Variants in PLEKHH3 observed in about 807,000 individuals in gnomAD.
PLEKHH3 encodes the protein pleckstrin homology domain-containing family H member 3.
A neutral mutation model predicts 77.8 loss-of-function variants in PLEKHH3; 57 were observed. That is an observed-to-expected ratio of 0.73 (90% CI 0.59 to 0.91). The LOEUF (loss-of-function observed/expected upper bound fraction) is 0.91. Ranked by LOEUF, PLEKHH3 falls within the 40% of genes least tolerant of loss-of-function variation. The pLI, the probability that PLEKHH3 is intolerant of heterozygous loss-of-function variation, is 0.00. For synonymous variants in PLEKHH3, 467 were observed against 504.8 expected (o/e 0.93, Z 1.00); for missense variants, 1,082 against 1,091.2 (o/e 0.99, Z 0.12).
At position 42,668,047 on chromosome 17, in the gene PLEKHH3, G is replaced by T. The variant is rs2143538384; in HGVS notation, c.*80C>A. 8.2e-7 allele frequency: 1 copy of T among 1,226,612 alleles called. No homozygotes were observed. The highest frequency in any genetic ancestry group is 1.0e-6 in the Non-Finnish European group (1 of 968,894). 76.0% of individuals were successfully genotyped at this position (1,226,612 alleles called of 1,614,324 possible). On this transcript the variant is annotated 3_prime_UTR_variant, in exon 13 of 13. Transcript: ENST00000591022. Reference sequence around the variant, plus strand: ...GTGCCCTGTCCCTGCAGGGCCAAAAGGGTCCATGTTTCCCTCAAATCTCAG... The same window carrying T: ...GTGCCCTGTCCCTGCAGGGCCAAAATGGTCCATGTTTCCCTCAAATCTCAG...
chr17:42,676,377 GA>G lies in PLEKHH3; in HGVS notation c.162+24del. 6.2e-7 allele frequency: 1 copy of G among 1,611,470 alleles called. No homozygotes were observed. Among genetic ancestry groups the G allele is most frequent in the Non-Finnish European group, 8.5e-7 (1 of 1,178,930 alleles). On this transcript the variant is annotated intron_variant, in intron 1 of 12. Transcript: ENST00000591022. This position sits in a 1 kb window ranked among gnomAD's most constrained non-coding sequence, Gnocchi z 6.6. ...CGGTTACAGCGAGAGTGATTGAGACGAGGCTCCGAACCCCCGGGACTTACCC... is the reference window on the plus strand; with the variant it reads ...CGGTTACAGCGAGAGTGATTGAGACGGGCTCCGAACCCCCGGGACTTACCC...
rs190835262 is a variant in PLEKHH3 at position 42,676,829 on chromosome 17, G to A, written c.-266C>T. Reference sequence around the variant, plus strand: ...GGGAGAGGAGGGAGCAATGTCCGGAGCTGGGAAGTAGTGTCCGTTGGAGTG... The same window carrying A: ...GGGAGAGGAGGGAGCAATGTCCGGAACTGGGAAGTAGTGTCCGTTGGAGTG... On this transcript the variant is annotated 5_prime_UTR_variant, in exon 1 of 13. Transcript: ENST00000591022. This position sits in a 1 kb window ranked among gnomAD's most constrained non-coding sequence, Gnocchi z 6.6. 1.3e-4 allele frequency: 72 copies of A among 538,164 alleles called. No homozygotes were observed. In the African/African-American group the frequency reaches 1.4e-3, roughly 10 times the overall value. The allele number at this position is 538,164 out of a possible 1,614,324, so 33.3% of individuals were successfully genotyped here.
intron 12 of PLEKHH3, chr17:42,668,629 T>C (rs2052610166): frequency 6.0e-6 from 1 of 165,712 alleles, no homozygotes; most frequent in African/African-American, 2.4e-5. Flanking sequence ...GGCTAATTTT[T>C]TGTATTTTTA....
In PLEKHH3 at chr17:42,672,188, T is replaced by C. The variant is rs1308833958; in HGVS notation, c.974A>G (p.Gln325Arg). 6.4e-7 allele frequency: 1 copy of C among 1,551,172 alleles called. No individual in the cohort carries two copies. Among genetic ancestry groups the C allele is most frequent in the Non-Finnish European group, 8.7e-7 (1 of 1,147,104 alleles). The part of the protein sequence containing the change: ...PAGPPGLPAT[Q>R]DPAALRYWQL... ...CCAGTACCGCAGGGCCGCAGGGTCT[T>C]GGGTAGCCGGGAGCCCGGGGGGACC... Residue 325 changes from glutamine to arginine, a missense_variant, in exon 7 of 13, where the codon CAA (glutamine) becomes CGA (arginine). By Grantham distance (43) the Gln-to-Arg change is conservative. Transcript: ENST00000591022.
chr17:42,670,764 G>A, intron 9 of PLEKHH3, 59 bp from the exon 10 acceptor site: 2 of 1,570,932 alleles, frequency 1.3e-6, no homozygotes, highest in Non-Finnish European at 1.7e-6. Flanking sequence ...GGCGAGGGCA[G>A]CTTGGGGTGG....
In PLEKHH3 at chr17:42,670,638, G is replaced by T; in HGVS notation, c.1489C>A (p.His497Asn). The change falls in exon 10 of 13, where the codon CAC becomes AAC. Residue 497 changes from histidine (H) to asparagine (N), a missense_variant. Physicochemically the swap from His to Asn is moderately conservative, Grantham distance 68. Transcript: ENST00000591022. ...DSGWRLCLRLHGPLHPEGLSP... is the reference protein window; with the variant it reads ...DSGWRLCLRLNGPLHPEGLSP... ...AGCCCCTCAGGGTGCAGAGGTCCGT[G>T]AAGACGCAGACATAGTCTCCACCCG... The T allele has an allele frequency of 6.2e-7, 1 of 1,613,248 alleles. No individual in the cohort carries two copies. The highest frequency in any genetic ancestry group is 8.5e-7 in the Non-Finnish European group (1 of 1,179,936).
rs1452014099 is a variant in PLEKHH3, at chr17:42,676,336, G to C, written c.162+66C>G. On this transcript the variant is annotated intron_variant, in intron 1 of 12. Transcript: ENST00000591022. This position sits in a 1 kb window ranked among gnomAD's most constrained non-coding sequence, Gnocchi z 6.6. The stretch of plus-strand genomic sequence containing the variant: ...GCAGCGTGTGGCTGGAGGCTGGAGC[G>C]GATCAGCGTGACGGCCGGTTACAGC... 1.9e-6 allele frequency: 3 copies of C among 1,594,570 alleles called. No individual in the cohort carries two copies. The highest frequency in any genetic ancestry group is 2.6e-6 in the Non-Finnish European group (3 of 1,168,648).
At chr17:42,669,870 G>T in intron 11 of PLEKHH3, 48 bp downstream of exon 11, 3 of 1,603,738 alleles carry the variant, frequency 1.9e-6, no homozygotes, top group South Asian at 1.1e-5. Context: ...TGGGGCAAAG[G>T]TGTGGGGCTT....
Position 42,674,372 on chromosome 17 carries a change from C to T in PLEKHH3, c.200G>A (p.Ser67Asn), listed in dbSNP as rs756807937. ...LEVTLTQPVR[S>N]GPVSNRLQSW... ...AGCTCACCTGTTGGAGACAGGCCCGCTCCTCACTGGCTGAGTCAGCGTCAC... is the reference window on the plus strand; with the variant it reads ...AGCTCACCTGTTGGAGACAGGCCCGTTCCTCACTGGCTGAGTCAGCGTCAC... Residue 67 changes from serine (S) to asparagine (N), a missense_variant, in exon 2 of 13, where the codon AGC (serine) becomes AAC (asparagine). Transcript: ENST00000591022. 2 of 1,594,570 alleles carry T rather than the reference C, an allele frequency of 1.3e-6. No individual in the cohort carries two copies. The highest frequency in any genetic ancestry group is 1.1e-5 in the South Asian group (1 of 88,560).
At chr17:42,669,857 C>T (rs756344785) in intron 11 of PLEKHH3, 61 bp downstream of exon 11, 5 of 1,594,540 alleles carry the variant, frequency 3.1e-6, no homozygotes, top group South Asian at 1.1e-5. Flanking sequence ...GGACCTGTGG[C>T]TCTGGGGCAA....
rs1406564062 is a variant in PLEKHH3 at position 42,676,525 on chromosome 17, G to A, written c.39C>T (p.Cys13=). 2 of 1,590,540 alleles carry A rather than the reference G, an allele frequency of 1.3e-6. No individual in the cohort carries two copies. The highest frequency in any genetic ancestry group is 1.7e-6 in the Non-Finnish European group (2 of 1,168,534). ...LPGGLWWLLC[C]RRGFTLLHRD... is the part of the protein sequence containing the mutation. ...GGTGCAGAAGAGTGAAGCCTCGACG[G>A]CAGCAGAGAAGCCACCATAGTCCCC... Residue 13 remains cysteine, a synonymous_variant, in exon 1 of 13, where the codon TGC becomes TGT. Coordinates refer to ENST00000591022, the MANE Select transcript of PLEKHH3 (RefSeq NM_024927.5). The surrounding 1 kb of genome is among the most constrained non-coding windows in gnomAD (Gnocchi z 6.6).
rs979364497 is a variant in PLEKHH3 at position 42,676,974 on chromosome 17, G to T, written c.-411C>A. The stretch of plus-strand genomic sequence containing the variant: ...CCGGGGCCCGGGCCGCGCGCGCTGC[G>T]CTCCCTGCAGCCCCGGGACTGGCGC... On this transcript the variant is annotated 5_prime_UTR_variant, in exon 1 of 13. Coordinates refer to ENST00000591022, the MANE Select transcript of PLEKHH3 (RefSeq NM_024927.5). This position sits in a 1 kb window ranked among gnomAD's most constrained non-coding sequence, Gnocchi z 6.6. 5.8e-6 allele frequency: 1 copy of T among 173,318 alleles called. No individual in the cohort carries two copies. Among genetic ancestry groups the T allele is most frequent in the Non-Finnish European group, 1.2e-5 (1 of 82,586 alleles). The allele number at this position is 173,318 out of a possible 1,614,324, so 10.7% of individuals were successfully genotyped here. A position where few individuals can be genotyped will look rare whatever the true frequency, so the allele number is the denominator to read the frequency against.
At chr17:42,668,348 CTCT>C (rs1424764495) in intron 12 of PLEKHH3, 45 bp from the exon 13 acceptor site, 2 of 1,454,858 alleles carry the variant, frequency 1.4e-6, no homozygotes, top group Non-Finnish European at 1.8e-6. Context: ...CTGCCAGGTT[CTCT>C]TCTTTTTCTC....
At chr17:42,670,498 A>T in intron 10 of PLEKHH3, 75 bp downstream of exon 10, 2 of 1,546,930 alleles carry the variant, frequency 1.3e-6, no homozygotes, top group Non-Finnish European at 1.7e-6. Context: ...CATAGTGATG[A>T]AATGAGACGG....
chr17:42,676,410 C>A lies in PLEKHH3; in HGVS notation c.154G>T (p.Gly52Cys). 1 of 1,613,252 alleles carries A rather than the reference C, an allele frequency of 6.2e-7. No homozygotes were observed. The highest frequency in any genetic ancestry group is 1.1e-5 in the South Asian group (1 of 91,066). Reference sequence around the variant, plus strand: ...GAACCCCCGGGACTTACCCTCCCGCCGCCCGCTGGACTCGGGGTCCGCAGC... The same window carrying A: ...GAACCCCCGGGACTTACCCTCCCGCAGCCCGCTGGACTCGGGGTCCGCAGC... ...FELRTPSPAG[G>C]GRGPLEVTLT... The change falls in exon 1 of 13, where the codon GGC (glycine) becomes TGC (cysteine). Residue 52 changes from glycine to cysteine, a missense_variant. This residue lies in a region of PLEKHH3 where 344 missense variants were observed against 320.8 expected (regional missense o/e 1.07). Coordinates refer to ENST00000591022, the MANE Select transcript of PLEKHH3 (RefSeq NM_024927.5). The surrounding 1 kb of genome is among the most constrained non-coding windows in gnomAD (Gnocchi z 6.6).
rs779873554 is a variant in PLEKHH3 at position 42,674,393 on chromosome 17, G to T, written c.179C>A (p.Thr60Lys). 37 of 1,594,614 alleles carry T rather than the reference G, an allele frequency of 2.3e-5. No homozygotes were observed. Among genetic ancestry groups the T allele is most frequent in the Non-Finnish European group, 2.9e-5 (34 of 1,171,438 alleles). Residue 60 changes from threonine (T) to lysine (K), a missense_variant, in exon 2 of 13, where the codon ACG (threonine) becomes AAG (lysine). By Grantham distance (78) the Thr-to-Lys change is moderately conservative. Coordinates refer to ENST00000591022, the MANE Select transcript of PLEKHH3 (RefSeq NM_024927.5). ...CCCGCTCCTCACTGGCTGAGTCAGC[G>T]TCACTTCCAGGGGACCCTGGGGAGA... Reference protein sequence around the residue: ...AGGGRGPLEVTLTQPVRSGPV... With the variant: ...AGGGRGPLEVKLTQPVRSGPV...
chr17:42,674,088 G>C, intron 2 of PLEKHH3, 75 bp from the exon 3 acceptor site: 2 of 1,461,744 alleles, frequency 1.4e-6, no homozygotes, highest in East Asian at 4.8e-5. Flanking sequence ...TCCCCAGACC[G>C]CACGGGTGTC....
At position 42,669,189 on chromosome 17, in the gene PLEKHH3, C is replaced by T. The variant is rs559859820; in HGVS notation, c.2205+241G>A. The T allele has an allele frequency of 3.5e-5, 14 of 397,834 alleles. No homozygotes were observed. The Admixed American group carries it at 6.3e-4, about 18-fold the overall frequency. The allele number at this position is 397,834 out of a possible 1,614,324, so 24.6% of individuals were successfully genotyped here. ...GCTTAAATGGCACCCTTTTTGAGAACCCTTCCCTGGCTTCCTGTCACATCA... is the reference window on the plus strand; with the variant it reads ...GCTTAAATGGCACCCTTTTTGAGAATCCTTCCCTGGCTTCCTGTCACATCA... On this transcript the variant is annotated intron_variant, in intron 12 of 12. Coordinates refer to ENST00000591022, the MANE Select transcript of PLEKHH3 (RefSeq NM_024927.5).
Position 42,671,610 on chromosome 17 carries a change from C to T in PLEKHH3, c.1077-52G>A. ...ATACTCCAAGGGCTTTCTTCTCCCC[C>T]TCCCTCTTGCCTGCTTCTCTTATAG... On this transcript the variant is annotated intron_variant, in intron 7 of 12. Transcript: ENST00000591022. The surrounding 1 kb of genome is among the most constrained non-coding windows in gnomAD (Gnocchi z 4.7). 6.6e-7 allele frequency: 1 copy of T among 1,513,776 alleles called. No homozygotes were observed. The highest frequency in any genetic ancestry group is 1.7e-4 in the Middle Eastern group (1 of 5,846). 93.8% of individuals were successfully genotyped at this position (1,513,776 alleles called of 1,614,324 possible).
Sources: gnomAD v4.1 joint callset for allele counts on GRCh38, gnomAD v4.1.1 for gene constraint, gnomAD v4.1.1 regional missense constraint, Gnocchi (gnomAD v3.1) non-coding constraint, MANE v1.5 for transcripts, NCBI Gene and HGNC (gene_info 2026-07-23, HGNC 2026-07-21) for gene names.